Variants in IL1RAPL2 observed in about 807,000 individuals in gnomAD.
IL1RAPL2 encodes interleukin 1 receptor accessory protein like 2, also known as X-linked interleukin-1 receptor accessory protein-like 2.
IL1RAPL2 carries 3 observed loss-of-function variants against 44.1 expected under a neutral mutation model. The ratio of observed to expected loss-of-function variants is 0.07; its 90% CI spans 0.03 to 0.18. IL1RAPL2 has a LOEUF of 0.18. Among genes scored for constraint, IL1RAPL2 ranks in the 10% least tolerant of loss-of-function variants. The pLI is 1.00. For synonymous variants in IL1RAPL2, 181 were observed against 178.8 expected (o/e 1.01, Z -0.10); for missense variants, 391 against 496.4 (o/e 0.79, Z 2.02).
intron 3 of IL1RAPL2, among the ~76,000 whole-genome samples, chrX:105,214,664 A>G (rs977990966): frequency 1.8e-5 from 2 of 112,016 alleles, no homozygotes; most frequent in Non-Finnish European, 3.8e-5. Context: ...TCAAATCAAC[A>G]GAATATACAT....
At chrX:105,330,022 A>G (rs1021566185) in intron 5 of IL1RAPL2, among the ~76,000 whole-genome samples, 1 of 111,369 alleles carries the variant, frequency 9.0e-6, no homozygotes, top group African/African-American at 3.3e-5. Flanking sequence ...TGGTCCATGA[A>G]CCAGCAGCAT....
chrX:104,577,337 A>AG (rs746640729), intron 1 of IL1RAPL2, among the ~76,000 whole-genome samples: 5 of 111,860 alleles, frequency 4.5e-5, no homozygotes, highest in Non-Finnish European at 9.4e-5. Context: ...CAATGAGGTT[A>AG]GGGATCATGA....
At chrX:105,072,270 C>A (rs2032217473) in intron 2 of IL1RAPL2, among the ~76,000 whole-genome samples, 1 of 111,880 alleles carries the variant, frequency 8.9e-6, no homozygotes, top group South Asian at 3.8e-4. Context: ...GCCTTCCCAT[C>A]CGCAGAACCA....
chrX:104,887,984 T>G (rs764101773), intron 2 of IL1RAPL2, among the ~76,000 whole-genome samples: 1 of 111,610 alleles, frequency 9.0e-6, no homozygotes, highest in East Asian at 2.8e-4. Flanking sequence ...ATAGCAAGTA[T>G]GCTTATCTAA....
chrX:105,453,220 C>G (rs762309965), intron 5 of IL1RAPL2, among the ~76,000 whole-genome samples: 1 of 112,001 alleles, frequency 8.9e-6, no homozygotes, highest in Non-Finnish European at 1.9e-5. Context: ...GACACAACAG[C>G]ACACACAGAA....
At chrX:105,119,990 GT>G (rs1168028402) in intron 2 of IL1RAPL2, among the ~76,000 whole-genome samples, 2 of 109,505 alleles carry the variant, frequency 1.8e-5, no homozygotes, top group Non-Finnish European at 3.8e-5. Flanking sequence ...TACTGTCCCA[GT>G]TTTTACTGAT....
chrX:104,916,577 T>G (rs1014430212), intron 2 of IL1RAPL2, among the ~76,000 whole-genome samples: 1 of 111,472 alleles, frequency 9.0e-6, no homozygotes, highest in Non-Finnish European at 1.9e-5. Context: ...TCCTGCCTGA[T>G]TGCCCTGGCC....
intron 5 of IL1RAPL2, among the ~76,000 whole-genome samples, chrX:105,447,763 A>G (rs1556322872): frequency 2.3e-5 from 2 of 86,379 alleles, no homozygotes; most frequent in Non-Finnish European, 4.1e-5. Flanking sequence ...TAAATATGTA[A>G]ATATATATAA....
intron 2 of IL1RAPL2, among the ~76,000 whole-genome samples, chrX:105,143,309 G>T (rs1275257418): frequency 3.6e-5 from 4 of 111,843 alleles, no homozygotes; most frequent in Non-Finnish European, 7.5e-5. Flanking sequence ...CTTCTCAAAA[G>T]AAGACATTTA....
intron 5 of IL1RAPL2, among the ~76,000 whole-genome samples, chrX:105,354,164 A>G (rs939399702): frequency 9.0e-6 from 1 of 111,450 alleles, no homozygotes; most frequent in Non-Finnish European, 1.9e-5. Context: ...ATATACCCAA[A>G]GGATTATAAA....
chrX:105,528,322 A>T (rs781005900), intron 6 of IL1RAPL2, among the ~76,000 whole-genome samples: 1 of 111,435 alleles, frequency 9.0e-6, no homozygotes, highest in Non-Finnish European at 1.9e-5. Flanking sequence ...GAGAAAACTC[A>T]AATAAAATGA....
chrX:105,684,321 C>T (rs901845369), intron 6 of IL1RAPL2, among the ~76,000 whole-genome samples: 3 of 112,641 alleles, frequency 2.7e-5, no homozygotes, highest in Admixed American at 9.4e-5. Flanking sequence ...ATGGGACATT[C>T]CTGCCCAAAT....
intron 6 of IL1RAPL2, among the ~76,000 whole-genome samples, chrX:105,633,848 A>C (rs1313162353): frequency 1.8e-5 from 2 of 111,398 alleles, no homozygotes; most frequent in East Asian, 5.7e-4. Flanking sequence ...TAGGGAGAAA[A>C]TATTTGGTGC....
intron 5 of IL1RAPL2, among the ~76,000 whole-genome samples, chrX:105,304,789 A>G (rs2034722182): frequency 8.9e-6 from 1 of 111,939 alleles, no homozygotes; most frequent in Admixed American, 9.5e-5. Flanking sequence ...ACCTACAAAA[A>G]TGTACTTGTT....
rs1454683115 is a variant in IL1RAPL2, at chrX:105,767,585, C to A, written c.1985C>A (p.Thr662Asn). The A allele has an allele frequency of 8.3e-7, 1 of 1,210,326 alleles. No individual in the cohort carries two copies. Among genetic ancestry groups the A allele is most frequent in the East Asian group, 3.0e-5 (1 of 33,824 alleles). The change falls in exon 11 of 11, where the codon ACC becomes AAC. Residue 662 changes from threonine (T) to asparagine (N), a missense_variant. By Grantham distance (65) the Thr-to-Asn change is moderately conservative. Around this residue, in one of 2 missense-constraint regions of IL1RAPL2, gnomAD observed 232 missense variants for 244.8 expected, o/e 0.95. Transcript: ENST00000372582. ...QLPLNNTLKD[T>N]QEFHRNSSLL... ...CCCCTTAATAACACCCTGAAAGATA[C>A]CCAGGAATTTCACAGGAACAGTTCT...
At chrX:105,363,702 T>C (rs769552313) in intron 5 of IL1RAPL2, among the ~76,000 whole-genome samples, 1 of 110,797 alleles carries the variant, frequency 9.0e-6, no homozygotes, top group South Asian at 3.8e-4. Flanking sequence ...ATTAGAAATT[T>C]TGAGCATATT....
At chrX:104,753,152 G>T (rs370675627) in intron 2 of IL1RAPL2, among the ~76,000 whole-genome samples, 1 of 99,517 alleles carries the variant, frequency 1.0e-5, no homozygotes. Context: ...TTTTTTTTTG[G>T]AGAGCCCCCA....
chrX:105,224,976 A>G (rs1412395068), intron 3 of IL1RAPL2, among the ~76,000 whole-genome samples: 2 of 111,945 alleles, frequency 1.8e-5, no homozygotes, highest in Non-Finnish European at 1.9e-5. Flanking sequence ...AATCACTCAT[A>G]CTATGATGTG....
In IL1RAPL2 at chrX:104,777,206, A is replaced by G. The variant is rs748070090; in HGVS notation, c.82+118211A>G. ...CTCTATATCCACTAAGCAATAAGTC[A>G]CTATCCACCCTCCCCCTACCCACTG... On this transcript the variant is annotated intron_variant, in intron 2 of 10. Transcript: ENST00000372582. Among the ~76,000 whole-genome samples the G allele has an allele frequency of 8.1e-5, 9 of 110,975 alleles. No individual in the cohort carries two copies. In the South Asian group the frequency reaches 3.5e-3, roughly 43 times the overall value.
Sources: gnomAD v4.1 joint callset for allele counts (sites outside exome capture counted in the v4.1 genomes callset) on GRCh38, gnomAD v4.1.1 for gene constraint, gnomAD v4.1.1 regional missense constraint, MANE v1.5 for transcripts, NCBI Gene and HGNC (gene_info 2026-07-23, HGNC 2026-07-21) for gene names.